PRMT8: variants seen among roughly 807,000 people sequenced by gnomAD.
The protein encoded by PRMT8 is protein arginine methyltransferase 8.
A neutral mutation model predicts 47.1 loss-of-function variants in PRMT8; 7 were observed. The ratio of observed to expected loss-of-function variants is 0.15; its 90% confidence interval spans 0.08 to 0.28. The LOEUF (loss-of-function observed/expected upper bound fraction) is 0.28. Among genes scored for constraint, PRMT8 ranks in the 10% least tolerant of loss-of-function variants. The pLI is 1.00. For missense variants in PRMT8, 237 were observed against 505.4 expected (o/e 0.47, Z 5.09); for synonymous variants, 188 against 186.5 (o/e 1.01, Z -0.07).
intron 1 of PRMT8, among the ~76,000 whole-genome samples, chr12:3,478,463 A>C (rs1194556150): frequency 6.6e-6 from 1 of 152,146 alleles, no homozygotes; most frequent in African/African-American, 2.4e-5. Context: ...TCTGGTTGTG[A>C]CTGCTTCCTT....
chr12:3,497,414 G>A (rs1008423692), intron 1 of PRMT8, among the ~76,000 whole-genome samples: 5 of 152,184 alleles, frequency 3.3e-5, no homozygotes, highest in Non-Finnish European at 7.3e-5. Flanking sequence ...CTCAGTAGTC[G>A]GAAGTTCTCC....
intron 1 of PRMT8, among the ~76,000 whole-genome samples, chr12:3,537,542 T>C (rs565061838): frequency 6.6e-6 from 1 of 152,354 alleles, no homozygotes; most frequent in South Asian, 2.1e-4. Flanking sequence ...AGACATCTTC[T>C]CTTATATGAC....
chr12:3,440,467 A>AC (rs1296446583), intron 1 of PRMT8, among the ~76,000 whole-genome samples: 2 of 149,816 alleles, frequency 1.3e-5, no homozygotes, highest in Non-Finnish European at 3.0e-5. Flanking sequence ...GTCAAAACAA[A>AC]CAAAACAAAA....
chr12:3,586,724 GC>G (rs1461258848), intron 8 of PRMT8, among the ~76,000 whole-genome samples: 1 of 152,232 alleles, frequency 6.6e-6, no homozygotes, highest in East Asian at 1.9e-4. Context: ...AAGGACCACT[GC>G]CTCTGTGCAA....
In PRMT8 at chr12:3,436,219, T is replaced by C. The variant is rs188186569; in HGVS notation, c.48+54777T>C. ...GGATGGTTAGGATCCAATCACACAC[T>C]AAGTTCGTGTCAGTCCTGGAGAAAT... On this transcript the variant is annotated intron_variant, in intron 1 of 9. Transcript: ENST00000452611. This position sits in a 1 kb window ranked among gnomAD's most constrained non-coding sequence, Gnocchi z 4.2. Among the ~76,000 whole-genome samples, 203 of 152,348 alleles carry C rather than the reference T, an allele frequency of 1.3e-3. 1 individual carries two copies. Among genetic ancestry groups the C allele is most frequent in the African/African-American group, 4.5e-3 (187 of 41,590 alleles).
At chr12:3,573,456 A>G (rs946018502) in intron 6 of PRMT8, among the ~76,000 whole-genome samples, 5 of 152,200 alleles carry the variant, frequency 3.3e-5, no homozygotes, top group Admixed American at 6.5e-5. Context: ...GATAATTCTA[A>G]CATCTGAGCA....
At chr12:3,384,801 G>A (rs529958229) in intron 1 of PRMT8, among the ~76,000 whole-genome samples, 2 of 152,284 alleles carry the variant, frequency 1.3e-5, no homozygotes, top group East Asian at 3.9e-4. Context: ...CTTACCAGGG[G>A]CCCTCCTGGT....
At chr12:3,460,786 C>T (rs917404616) in intron 1 of PRMT8, among the ~76,000 whole-genome samples, 11 of 152,156 alleles carry the variant, frequency 7.2e-5, no homozygotes, top group African/African-American at 1.9e-4. Context: ...CCACCATGCT[C>T]GTGGGGCAAT....
intron 1 of PRMT8, among the ~76,000 whole-genome samples, chr12:3,473,160 A>G (rs1865176787): frequency 6.6e-6 from 1 of 152,106 alleles, no homozygotes; most frequent in South Asian, 2.1e-4. Flanking sequence ...ACCTGCATGC[A>G]CTGTCTTTAT....
intron 1 of PRMT8, among the ~76,000 whole-genome samples, chr12:3,416,357 A>G (rs972745993): frequency 1.4e-4 from 22 of 152,164 alleles, no homozygotes; most frequent in African/African-American, 4.8e-4. Flanking sequence ...GTGGAGCCCA[A>G]GTGTCTCATG....
chr12:3,478,531 A>C (rs191806378), intron 1 of PRMT8, among the ~76,000 whole-genome samples: 1 of 152,318 alleles, frequency 6.6e-6, no homozygotes, highest in Non-Finnish European at 1.5e-5. Flanking sequence ...CTCAGATGAC[A>C]TGAAAGGAGA....
At chr12:3,519,777 G>A (rs1006063361) in intron 1 of PRMT8, among the ~76,000 whole-genome samples, 2 of 152,154 alleles carry the variant, frequency 1.3e-5, no homozygotes, top group Admixed American at 6.5e-5. Context: ...TGAGAAAAAG[G>A]GCTGCAGGGT....
chr12:3,560,458 G>A (rs10774157), intron 4 of PRMT8, among the ~76,000 whole-genome samples: 42,132 of 152,030 alleles, frequency 0.28, 6,076 homozygotes, highest in East Asian at 0.46. Flanking sequence ...TGGCCCACAC[G>A]CGCGCTTCAG....
rs990680939 is a variant in PRMT8, at chr12:3,493,187, C to T, written c.75+1487C>T. 1.3e-5 allele frequency among the ~76,000 whole-genome samples: 2 copies of T among 152,186 alleles called. No individual in the cohort carries two copies. Among genetic ancestry groups the T allele is most frequent in the South Asian group, 4.1e-4 (2 of 4,824 alleles). On this transcript the variant is annotated intron_variant, in intron 1 of 9. Transcript: ENST00000382622. The surrounding 1 kb of genome is among the most constrained non-coding windows in gnomAD (Gnocchi z 8.2). ...CTGTCTCCTTGAGTTAGGGCAAAGC[C>T]TGCGTGCCCGCCGTCCCCTCACCAC...
At position 3,583,756 on chromosome 12, in the gene PRMT8, C is replaced by T. The variant is rs1476436331; in HGVS notation, c.979+548C>T. ...TCCCAGCCCCGCTTACGAGGTGCCT[C>T]GCTGCCTGCAGTAGATAAGCCTGGC... On this transcript the variant is annotated intron_variant, in intron 8 of 9. Transcript: ENST00000382622. The surrounding 1 kb of genome is among the most constrained non-coding windows in gnomAD (Gnocchi z 4.7). 3.3e-5 allele frequency among the ~76,000 whole-genome samples: 5 copies of T among 152,220 alleles called. No homozygotes were observed. The highest frequency in any genetic ancestry group is 1.3e-4 in the Admixed American group (2 of 15,282).
chr12:3,446,632 TCTG>T (rs1485749289), intron 1 of PRMT8, among the ~76,000 whole-genome samples: 2 of 152,212 alleles, frequency 1.3e-5, no homozygotes, highest in Non-Finnish European at 2.9e-5. Flanking sequence ...ATAGGTTTCT[TCTG>T]CCATCCACCA....
intron 8 of PRMT8, among the ~76,000 whole-genome samples, chr12:3,587,876 G>A (rs1474094971): frequency 6.6e-6 from 1 of 152,166 alleles, no homozygotes; most frequent in African/African-American, 2.4e-5. Context: ...TGACTCTGAC[G>A]TCTCTGCAGC....
intron 1 of PRMT8, among the ~76,000 whole-genome samples, chr12:3,443,691 C>T (rs1165626991): frequency 2.6e-5 from 4 of 152,196 alleles, no homozygotes; most frequent in Non-Finnish European, 5.9e-5. Context: ...ATCACATCAT[C>T]CTCCTGGTTT....
intron 2 of PRMT8, among the ~76,000 whole-genome samples, chr12:3,544,371 A>C (rs555943626): frequency 2.0e-5 from 3 of 152,314 alleles, no homozygotes; most frequent in Non-Finnish European, 4.4e-5. Context: ...AGACTTGGCC[A>C]AAAAAGCGAC....
Sources: gnomAD v4.1 joint callset for allele counts (sites outside exome capture counted in the v4.1 genomes callset) on GRCh38, gnomAD v4.1.1 for gene constraint, Gnocchi (gnomAD v3.1) non-coding constraint, MANE v1.5 for transcripts, NCBI Gene and HGNC (gene_info 2026-07-23, HGNC 2026-07-21) for gene names.